FBXW7: variants seen among roughly 807,000 people sequenced by gnomAD.
FBXW7 encodes F-box/WD repeat-containing protein 7.
A neutral mutation model predicts 86.3 loss-of-function variants in FBXW7; 11 were observed. The observed-to-expected ratio is 0.13, with a 90% CI of 0.08 to 0.21. FBXW7 has a LOEUF of 0.21. Ranked by LOEUF, FBXW7 falls within the 10% of genes least tolerant of loss-of-function variation. The pLI, the probability that FBXW7 is intolerant of heterozygous loss-of-function variation, is 1.00. For synonymous variants in FBXW7, 313 were observed against 297.9 expected (o/e 1.05, Z -0.52); for missense variants, 488 against 847.4 (o/e 0.58, Z 5.27).
Position 152,365,442 on chromosome 4 carries a change from T to G in FBXW7, c.502-15318A>C, listed in dbSNP as rs754161176. Among the ~76,000 whole-genome samples the G allele has an allele frequency of 2.0e-5, 3 of 152,140 alleles. No individual in the cohort carries two copies. The South Asian group carries it at 6.2e-4, about 32-fold the overall frequency. ...AGACTGTGTGAGGAAGTTATTCCAC[T>G]AGACCAGGCAAGAGATAATGATGGC... On this transcript the variant is annotated intron_variant, in intron 4 of 13. Coordinates refer to ENST00000281708, the MANE Select transcript of FBXW7 (RefSeq NM_001349798.2).
chr4:152,409,258 T>C (rs941994193), intron 4 of FBXW7, among the ~76,000 whole-genome samples: 2 of 152,146 alleles, frequency 1.3e-5, no homozygotes, highest in Admixed American at 6.6e-5. Context: ...ACATTTAAAA[T>C]GGGATTTCAT....
At chr4:152,380,637 C>A (rs2126774413) in intron 4 of FBXW7, among the ~76,000 whole-genome samples, 1 of 152,036 alleles carries the variant, frequency 6.6e-6, no homozygotes, top group Non-Finnish European at 1.5e-5. Flanking sequence ...CTTACAGAAT[C>A]TTCTCCTATG....
rs538361384 is a variant in FBXW7 at position 152,458,045 on chromosome 4, T to C, written c.-119-45516A>G. Among the ~76,000 whole-genome samples, 4 of 152,328 alleles carry C rather than the reference T, an allele frequency of 2.6e-5. No individual in the cohort carries two copies. In the East Asian group the frequency reaches 7.7e-4, roughly 29 times the overall value. Reference sequence around the variant, plus strand: ...TTGTTTTTGAGATGGAGTCTCGCTCTGTTGGCAGTCTCTGTTGCCATGCCA... The same window carrying C: ...TTGTTTTTGAGATGGAGTCTCGCTCCGTTGGCAGTCTCTGTTGCCATGCCA... On this transcript the variant is annotated intron_variant, in intron 2 of 13. Transcript: ENST00000281708.
chr4:152,433,938 T>C (rs889083914), intron 2 of FBXW7, among the ~76,000 whole-genome samples: 1 of 152,236 alleles, frequency 6.6e-6, no homozygotes, highest in Admixed American at 6.5e-5. Flanking sequence ...CAGAATACAG[T>C]TGTCCCTCAA....
chr4:152,420,292 G>A (rs1738825548), intron 2 of FBXW7, among the ~76,000 whole-genome samples: 1 of 152,160 alleles, frequency 6.6e-6, no homozygotes, highest in African/African-American at 2.4e-5. Flanking sequence ...GTCACGCTGT[G>A]TCAAGTTCTA....
intron 4 of FBXW7, chr4:152,352,438 C>T (rs1235779882): frequency 8.7e-6 from 14 of 1,612,890 alleles, no homozygotes; most frequent in Non-Finnish European, 1.0e-5. Flanking sequence ...CACACACAAT[C>T]ACATAGCATA....
At chr4:152,467,398 A>G (rs1212876540) in intron 2 of FBXW7, among the ~76,000 whole-genome samples, 1 of 152,170 alleles carries the variant, frequency 6.6e-6, no homozygotes, top group Non-Finnish European at 1.5e-5. Context: ...GAGTCAATTA[A>G]GCCTCTTTCC....
chr4:152,347,075 C>CAAAGAAAAAAAAAA lies in FBXW7; in HGVS notation c.585-5_585-4insTTTTTTTTTTCTTT. 7.8e-7 allele frequency: 1 copy of CAAAGAAAAAAAAAA among 1,277,186 alleles called. No homozygotes were observed. The highest frequency in any genetic ancestry group is 2.6e-5 in the African/African-American group (1 of 38,138). The allele number at this position is 1,277,186 out of a possible 1,614,324, so 79.1% of individuals were successfully genotyped here. On this transcript the variant is annotated splice_polypyrimidine_tract_variant and splice_region_variant and intron_variant, in intron 5 of 13. Transcript: ENST00000281708. ...ACATGGTACAAGCCCAGTGGTACTA[C>CAAAGAAAAAAAAAA]AAAAAAAAAAAAAAGAGAGAGAGAA...
chr4:152,409,393 C>T (rs1737722714), intron 4 of FBXW7, among the ~76,000 whole-genome samples: 2 of 152,070 alleles, frequency 1.3e-5, no homozygotes, highest in African/African-American at 4.8e-5. Context: ...AAATAAAGTA[C>T]TTCAACTAGT....
chr4:152,430,731 G>A (rs1334943026), intron 2 of FBXW7, among the ~76,000 whole-genome samples: 1 of 152,044 alleles, frequency 6.6e-6, no homozygotes, highest in Non-Finnish European at 1.5e-5. Flanking sequence ...GTAGAATGAA[G>A]TTCATTTTGA....
intron 2 of FBXW7, among the ~76,000 whole-genome samples, chr4:152,428,340 A>G (rs1056641694): frequency 1.3e-5 from 2 of 152,228 alleles, no homozygotes; most frequent in Non-Finnish European, 2.9e-5. Context: ...TTATAAATAT[A>G]AAATTCAACC....
At chr4:152,497,025 T>C (rs1462159183) in intron 2 of FBXW7, among the ~76,000 whole-genome samples, 1 of 151,970 alleles carries the variant, frequency 6.6e-6, no homozygotes, top group Non-Finnish European at 1.5e-5. Context: ...TAAACAATGT[T>C]AAAAACCGAC....
At chr4:152,373,672 G>A (rs1734210595) in intron 4 of FBXW7, among the ~76,000 whole-genome samples, 1 of 152,002 alleles carries the variant, frequency 6.6e-6, no homozygotes, top group African/African-American at 2.4e-5. Context: ...GGGTTACTGT[G>A]AAGCCCTTCC....
At chr4:152,398,060 T>G (rs975941872) in intron 4 of FBXW7, among the ~76,000 whole-genome samples, 7 of 151,866 alleles carry the variant, frequency 4.6e-5, no homozygotes, top group Non-Finnish European at 8.8e-5. Context: ...AAATGCTAGC[T>G]GCTTGTTAAA....
intron 2 of FBXW7, among the ~76,000 whole-genome samples, chr4:152,478,028 T>A (rs994115044): frequency 6.6e-6 from 1 of 152,114 alleles, no homozygotes; most frequent in African/African-American, 2.4e-5. Flanking sequence ...TTTTCACAAG[T>A]AACATCAAAA....
At chr4:152,455,071 T>TA (rs1272335720) in intron 2 of FBXW7, among the ~76,000 whole-genome samples, 2 of 152,186 alleles carry the variant, frequency 1.3e-5, no homozygotes, top group Non-Finnish European at 2.9e-5. Context: ...AAGGAAGCTG[T>TA]AAAAAGACTT....
At chr4:152,514,496 C>G (rs1748279291) in intron 2 of FBXW7, among the ~76,000 whole-genome samples, 1 of 152,100 alleles carries the variant, frequency 6.6e-6, no homozygotes, top group South Asian at 2.1e-4. Flanking sequence ...TATTTGACAC[C>G]TCCAAATCTC....
intron 2 of FBXW7, among the ~76,000 whole-genome samples, chr4:152,427,038 T>C (rs1739451333): frequency 6.6e-6 from 1 of 152,052 alleles, no homozygotes; most frequent in Non-Finnish European, 1.5e-5. Context: ...GAAAAACAAA[T>C]AGGATGGTGA....
chr4:152,422,219 C>A (rs1352423035), intron 2 of FBXW7, among the ~76,000 whole-genome samples: 2 of 152,120 alleles, frequency 1.3e-5, no homozygotes, highest in Non-Finnish European at 1.5e-5. Flanking sequence ...TCAGTGAATT[C>A]TTTATGAATT....
Sources: allele counts gnomAD v4.1 joint callset (sites outside exome capture counted in the v4.1 genomes callset), GRCh38; gene constraint gnomAD v4.1.1; transcripts MANE v1.5; gene names NCBI Gene and HGNC (gene_info 2026-07-23, HGNC 2026-07-21).